Variants in ARB2A observed in about 807,000 individuals in gnomAD.
The protein encoded by ARB2A is ARB2 cotranscriptional regulator A.
chr5:93,766,188 G>A, the ARB2A span, among the ~76,000 whole-genome samples: 1 of 152,078 alleles, frequency 6.6e-6, no homozygotes, highest in Non-Finnish European at 1.5e-5. Context: ...ATCGACAAAT[G>A]GGATCTAATT....
the ARB2A span, among the ~76,000 whole-genome samples, chr5:93,855,017 A>G: frequency 6.6e-6 from 1 of 152,052 alleles, no homozygotes; most frequent in South Asian, 2.1e-4. Flanking sequence ...TATCCTTGTT[A>G]ACTTTCTGTC....
chr5:94,069,749 C>T, the ARB2A span, among the ~76,000 whole-genome samples: 1 of 151,960 alleles, frequency 6.6e-6, no homozygotes, highest in African/African-American at 2.4e-5. Flanking sequence ...ATCCTCTCAC[C>T]CCAGTTAGAA....
At chr5:93,717,461 A>C in the ARB2A span, among the ~76,000 whole-genome samples, 1 of 136,378 alleles carries the variant, frequency 7.3e-6, no homozygotes, top group Non-Finnish European at 1.6e-5. Flanking sequence ...TTTTTTTTTT[A>C]AAGTAAAGGA....
At chr5:94,007,938 G>T in the ARB2A span, among the ~76,000 whole-genome samples, 1 of 152,190 alleles carries the variant, frequency 6.6e-6, no homozygotes, top group Admixed American at 6.5e-5. Flanking sequence ...CACATGCAGA[G>T]TATTACATTA....
the ARB2A span, among the ~76,000 whole-genome samples, chr5:93,804,459 AC>A: frequency 6.6e-6 from 1 of 151,872 alleles, no homozygotes; most frequent in African/African-American, 2.4e-5. Context: ...TATACCAAAA[AC>A]ATTTTCGTTA....
At chr5:93,759,266 G>A in the ARB2A span, among the ~76,000 whole-genome samples, 27,687 of 151,882 alleles carry the variant, frequency 0.18, 2,894 homozygotes, top group Middle Eastern at 0.28. Context: ...AAAATTACCA[G>A]TAAAGAAAGT....
chr5:93,996,128 C>T, the ARB2A span, among the ~76,000 whole-genome samples: 1 of 151,966 alleles, frequency 6.6e-6, no homozygotes, highest in South Asian at 2.1e-4. Flanking sequence ...CAGAAACTAT[C>T]ACTAATTAGG....
At chr5:93,655,343 T>C in the ARB2A span, among the ~76,000 whole-genome samples, 1 of 152,242 alleles carries the variant, frequency 6.6e-6, no homozygotes, top group East Asian at 1.9e-4. Flanking sequence ...AACCAATGTA[T>C]AGGACACCTT....
the ARB2A span, chr5:93,865,244 G>A: frequency 4.1e-6 from 1 of 245,782 alleles, no homozygotes; most frequent in Middle Eastern, 2.1e-3. Context: ...ACCATGCCTG[G>A]CTAATTTTTT....
the ARB2A span, among the ~76,000 whole-genome samples, chr5:93,710,800 G>T: frequency 6.6e-6 from 1 of 151,938 alleles, no homozygotes; most frequent in Non-Finnish European, 1.5e-5. Context: ...TAGCCCTTAC[G>T]ATCTGCAAAC....
chr5:94,088,025 T>C, the ARB2A span, among the ~76,000 whole-genome samples: 4 of 152,228 alleles, frequency 2.6e-5, no homozygotes, highest in Non-Finnish European at 5.9e-5. Context: ...TTTAGTGGCA[T>C]TGCCTTTTAT....
the ARB2A span, among the ~76,000 whole-genome samples, chr5:94,090,477 C>T: frequency 1.3e-5 from 2 of 152,164 alleles, no homozygotes; most frequent in Admixed American, 6.5e-5. Context: ...CAAACAGATA[C>T]AATTTGACTT....
chr5:93,772,209 A>G, the ARB2A span, among the ~76,000 whole-genome samples: 6 of 152,170 alleles, frequency 3.9e-5, no homozygotes, highest in African/African-American at 1.4e-4. Flanking sequence ...CGCAAGAACA[A>G]AAAACCAAAC....
chr5:94,074,037 T>C, the ARB2A span, among the ~76,000 whole-genome samples: 1 of 152,164 alleles, frequency 6.6e-6, no homozygotes, highest in African/African-American at 2.4e-5. Flanking sequence ...TTACTAAAAA[T>C]TACTTTTCAG....
At chr5:94,099,573 G>A in the ARB2A span, among the ~76,000 whole-genome samples, 10 of 131,872 alleles carry the variant, frequency 7.6e-5, no homozygotes, top group Admixed American at 3.4e-4. Flanking sequence ...GCAGTGAGCC[G>A]AGATCGCGCC....
At chr5:93,671,662 TG>T in the ARB2A span, among the ~76,000 whole-genome samples, 2 of 152,138 alleles carry the variant, frequency 1.3e-5, no homozygotes, top group African/African-American at 2.4e-5. Context: ...CCAGAATTTT[TG>T]AGATGACCCC....
At chr5:93,766,787 C>T in the ARB2A span, among the ~76,000 whole-genome samples, 2 of 152,184 alleles carry the variant, frequency 1.3e-5, no homozygotes, top group African/African-American at 2.4e-5. Context: ...TTGGAACCAA[C>T]CCAAATGTCC....
the ARB2A span, among the ~76,000 whole-genome samples, chr5:93,751,725 G>C: frequency 2.0e-5 from 3 of 152,156 alleles, no homozygotes; most frequent in African/African-American, 7.2e-5. Flanking sequence ...ATCACCTCTA[G>C]AAAGCAATGC....
the ARB2A span, among the ~76,000 whole-genome samples, chr5:93,971,285 T>A: frequency 6.6e-6 from 1 of 151,914 alleles, no homozygotes; most frequent in Non-Finnish European, 1.5e-5. Context: ...ACACAATATT[T>A]AGCCAGGCAC....
Sources: allele counts gnomAD v4.1 joint callset (sites outside exome capture counted in the v4.1 genomes callset), GRCh38; gene constraint gnomAD v4.1.1; transcripts MANE v1.5; gene names NCBI Gene and HGNC (gene_info 2026-07-23, HGNC 2026-07-21).